Variants in SLC9C2 observed in about 807,000 individuals in gnomAD.
The protein encoded by SLC9C2 is sodium/hydrogen exchanger 11.
SLC9C2 carries 75 observed loss-of-function variants against 140.2 expected under a neutral mutation model. That is an observed-to-expected ratio of 0.53 (90% CI 0.44 to 0.65). The LOEUF (loss-of-function observed/expected upper bound fraction) is 0.65, where lower values mean the gene tolerates loss of function less well. Among genes scored for constraint, SLC9C2 ranks in the 30% least tolerant of loss-of-function variants. The probability of loss-of-function intolerance (pLI) is 0.00; values close to 1 mark genes in which losing one functional copy is unlikely to be tolerated. For synonymous variants in SLC9C2, 375 were observed against 420.9 expected (o/e 0.89, Z 1.34); for missense variants, 1,074 against 1,331.8 (o/e 0.81, Z 3.01).
chr1:173,564,628 T>C (rs1382049293), intron 9 of SLC9C2, among the ~76,000 whole-genome samples: 3 of 144,878 alleles, frequency 2.1e-5, no homozygotes, highest in African/African-American at 8.0e-5. Flanking sequence ...GTAGTTTTCT[T>C]TTCCTTTTCT....
chr1:173,580,175 A>T (rs376274541), intron 7 of SLC9C2, among the ~76,000 whole-genome samples: 2 of 152,140 alleles, frequency 1.3e-5, no homozygotes, highest in African/African-American at 4.8e-5. Context: ...TGGTGTAAAG[A>T]CTCACTGTGG....
chr1:173,551,168 C>T (rs1045342399), intron 11 of SLC9C2, among the ~76,000 whole-genome samples: 1 of 152,160 alleles, frequency 6.6e-6, no homozygotes, highest in African/African-American at 2.4e-5. Context: ...TAGCAGGCTA[C>T]TTCCATATTT....
At chr1:173,570,789 T>G (rs1374414288) in intron 9 of SLC9C2, among the ~76,000 whole-genome samples, 1 of 152,160 alleles carries the variant, frequency 6.6e-6, no homozygotes, top group Non-Finnish European at 1.5e-5. Context: ...AGCACAGTTT[T>G]GCTTTCCACT....
At chr1:173,549,186 G>A (rs1209184040) in intron 11 of SLC9C2, among the ~76,000 whole-genome samples, 5 of 152,140 alleles carry the variant, frequency 3.3e-5, no homozygotes, top group Non-Finnish European at 7.4e-5. Context: ...CAATAAAGCT[G>A]TTCTCTCCTT....
chr1:173,585,879 A>G (rs1312797770), intron 5 of SLC9C2, among the ~76,000 whole-genome samples: 2 of 152,138 alleles, frequency 1.3e-5, no homozygotes, highest in East Asian at 3.9e-4. Context: ...GAGGCAGGAG[A>G]ATCGCTTAAA....
At chr1:173,545,154 G>A (rs925534084) in intron 13 of SLC9C2, among the ~76,000 whole-genome samples, 2 of 152,058 alleles carry the variant, frequency 1.3e-5, no homozygotes, top group Non-Finnish European at 2.9e-5. Flanking sequence ...AAGACTAAAG[G>A]CCTCCTCAGA....
intron 4 of SLC9C2, among the ~76,000 whole-genome samples, chr1:173,597,632 T>G (rs1666519507): frequency 6.6e-6 from 1 of 152,160 alleles, no homozygotes; most frequent in Non-Finnish European, 1.5e-5. Flanking sequence ...GTTTGTGACC[T>G]CTAAGCTTCA....
rs143953893 is a variant in SLC9C2, at chr1:173,565,116, C to T, written c.1047-7608G>A. On this transcript the variant is annotated intron_variant, in intron 9 of 27. Transcript: ENST00000367714. ...CCAAGTAGCTGGGATTACAGGCATG[C>T]ACCACTGTACAGATGGGTGGTTTCC... Among the ~76,000 whole-genome samples the T allele has an allele frequency of 1.9e-3, 295 of 152,072 alleles. 1 individual carries two copies. Among genetic ancestry groups the T allele is most frequent in the African/African-American group, 6.9e-3 (285 of 41,494 alleles).
intron 5 of SLC9C2, among the ~76,000 whole-genome samples, 156 bp downstream of exon 5, chr1:173,587,509 C>A (rs537847478): frequency 7.9e-5 from 12 of 152,040 alleles, no homozygotes; most frequent in Non-Finnish European, 1.3e-4. Flanking sequence ...TGCACTGTCT[C>A]CTTAAAGTCA....
intron 10 of SLC9C2, among the ~76,000 whole-genome samples, chr1:173,555,817 A>G (rs1432630395): frequency 4.6e-5 from 7 of 152,202 alleles, no homozygotes; most frequent in Non-Finnish European, 1.0e-4. Flanking sequence ...ATGATACTCC[A>G]TCAAAAATAG....
At chr1:173,576,601 G>A (rs769302752) in intron 8 of SLC9C2, 60 bp downstream of exon 8, 11 of 1,032,110 alleles carry the variant, frequency 1.1e-5, no homozygotes, top group Admixed American at 2.4e-5. Flanking sequence ...CCATGAAGGC[G>A]AGACGCCTTA....
At chr1:173,565,087 C>G (rs1365440934) in intron 9 of SLC9C2, among the ~76,000 whole-genome samples, 1 of 151,556 alleles carries the variant, frequency 6.6e-6, no homozygotes, top group Non-Finnish European at 1.5e-5. Context: ...CCTGCCTCAG[C>G]CTCCCAAGTA....
At chr1:173,520,850 A>T (rs912320856) in intron 22 of SLC9C2, among the ~76,000 whole-genome samples, 2 of 152,194 alleles carry the variant, frequency 1.3e-5, no homozygotes, top group African/African-American at 4.8e-5. Flanking sequence ...ACCAGCTACT[A>T]AACTACTGTT....
In SLC9C2 at chr1:173,573,252, C is replaced by T. The variant is rs1414085485; in HGVS notation, c.976G>A (p.Glu326Lys). The T allele has an allele frequency of 3.2e-6, 5 of 1,584,328 alleles. No homozygotes were observed. The African/African-American group carries it at 6.7e-5, about 21-fold the overall frequency. ...GTGTGAAATTCATAGTGGCTGAGTT[C>T]TCCACATCCAATCACAATGCCAAAG... Reference protein sequence around the residue: ...AFFGIVIGCGELSHYEFHTIP... With the variant: ...AFFGIVIGCGKLSHYEFHTIP... The change falls in exon 9 of 28, where the codon GAA becomes AAA. Residue 326 changes from glutamate to lysine, a missense_variant. Transcript: ENST00000367714.
At chr1:173,548,574 A>C in intron 11 of SLC9C2, 22 bp from the exon 12 acceptor site, 1 of 1,612,710 alleles carries the variant, frequency 6.2e-7, no homozygotes, top group Middle Eastern at 1.7e-4. Context: ...ACAAAAGCAA[A>C]GGCCTTAATA....
rs538730336 is a variant in SLC9C2 at position 173,523,889 on chromosome 1, T to G, written c.2640+80A>C. 55 of 1,528,708 alleles carry G rather than the reference T, an allele frequency of 3.6e-5. No homozygotes were observed. In the African/African-American group the frequency reaches 6.5e-4, roughly 18 times the overall value. The allele number at this position is 1,528,708 out of a possible 1,614,324, so 94.7% of individuals were successfully genotyped here. A position where few individuals can be genotyped will look rare whatever the true frequency, so the allele number is the denominator to read the frequency against. On this transcript the variant is annotated intron_variant, in intron 21 of 27. Coordinates refer to ENST00000367714, the MANE Select transcript of SLC9C2 (RefSeq NM_178527.4). ...TTGGCCAGTATGTGATATGCTTTTC[T>G]GTTAATCTTTCATTAGGGAGTGGAA...
intron 9 of SLC9C2, among the ~76,000 whole-genome samples, chr1:173,557,944 T>TA (rs1192181981): frequency 3.9e-5 from 6 of 152,170 alleles, no homozygotes; most frequent in East Asian, 1.9e-4. Flanking sequence ...CAATAAATAA[T>TA]AAAAAAAGTT....
intron 22 of SLC9C2, among the ~76,000 whole-genome samples, chr1:173,519,313 C>T (rs1385383347): frequency 6.6e-6 from 1 of 152,076 alleles, no homozygotes; most frequent in Non-Finnish European, 1.5e-5. Context: ...TGTTCAATAG[C>T]CGTAAAGAAT....
intron 11 of SLC9C2, among the ~76,000 whole-genome samples, chr1:173,549,788 T>A (rs1663124543): frequency 6.6e-6 from 1 of 152,040 alleles, no homozygotes; most frequent in Non-Finnish European, 1.5e-5. Flanking sequence ...TAAAAGAAAT[T>A]CTGAAGCTTG....
Sources: gnomAD v4.1 joint callset for allele counts (sites outside exome capture counted in the v4.1 genomes callset) on GRCh38, gnomAD v4.1.1 for gene constraint, MANE v1.5 for transcripts, NCBI Gene and HGNC (gene_info 2026-07-23, HGNC 2026-07-21) for gene names.